The following SKIC3 variants were observed in gnomAD, a reference collection of about 807,000 sequenced individuals.
The protein encoded by SKIC3 is superkiller complex protein 3.
the SKIC3 span, chr5:95,540,861 G>A: frequency 1.9e-6 from 3 of 1,610,282 alleles, no homozygotes; most frequent in Admixed American, 5.0e-5. Flanking sequence ...AAATTATTTT[G>A]TCCAAAATGT....
the SKIC3 span, chr5:95,506,889 A>G: frequency 6.3e-7 from 1 of 1,596,246 alleles, no homozygotes; most frequent in South Asian, 1.1e-5. Flanking sequence ...TTCACCAGAA[A>G]AATACAATCA....
the SKIC3 span, among the ~76,000 whole-genome samples, chr5:95,465,359 T>C: frequency 0.24 from 36,659 of 152,180 alleles, 5,766 homozygotes; most frequent in African/African-American, 0.44. Context: ...AATGAAATTG[T>C]TCCTCTTTGA....
At chr5:95,543,467 C>G in the SKIC3 span, 1 of 960,462 alleles carries the variant, frequency 1.0e-6, no homozygotes, top group South Asian at 1.5e-5. Context: ...TTTAACCTAT[C>G]TGGTTTCAGT....
the SKIC3 span, among the ~76,000 whole-genome samples, chr5:95,475,620 T>C: frequency 6.6e-6 from 1 of 152,216 alleles, no homozygotes; most frequent in East Asian, 1.9e-4. Flanking sequence ...TATTTCTTTA[T>C]AGCAATGCAA....
the SKIC3 span, chr5:95,522,154 C>T: frequency 6.2e-7 from 1 of 1,613,866 alleles, no homozygotes; most frequent in Non-Finnish European, 8.5e-7. Flanking sequence ...TTGCTGCAAC[C>T]TTAAACACAC....
the SKIC3 span, among the ~76,000 whole-genome samples, chr5:95,485,643 G>A: frequency 6.6e-6 from 1 of 152,094 alleles, no homozygotes; most frequent in African/African-American, 2.4e-5. Context: ...TGTCAGAAGT[G>A]TTACTATCTT....
At chr5:95,529,001 CT>C in the SKIC3 span, 5 of 1,613,272 alleles carry the variant, frequency 3.1e-6, no homozygotes, top group Non-Finnish European at 4.2e-6. Context: ...TCAAAAATAC[CT>C]TGACTGCATG....
At chr5:95,546,361 A>C in the SKIC3 span, among the ~76,000 whole-genome samples, 1 of 151,846 alleles carries the variant, frequency 6.6e-6, no homozygotes, top group Non-Finnish European at 1.5e-5. Flanking sequence ...ACAAAAAAAA[A>C]AACAAAGAAA....
At chr5:95,551,187 T>C in the SKIC3 span, among the ~76,000 whole-genome samples, 3 of 152,182 alleles carry the variant, frequency 2.0e-5, no homozygotes, top group African/African-American at 7.2e-5. Flanking sequence ...ATTTAAATAG[T>C]CATTAAAAAT....
At chr5:95,472,888 T>C in the SKIC3 span, among the ~76,000 whole-genome samples, 1 of 152,254 alleles carries the variant, frequency 6.6e-6, no homozygotes, top group African/African-American at 2.4e-5. Flanking sequence ...TTAATTCACT[T>C]AGAATTATGG....
chr5:95,501,196 A>T, the SKIC3 span, among the ~76,000 whole-genome samples: 1 of 152,202 alleles, frequency 6.6e-6, no homozygotes, highest in Admixed American at 6.5e-5. Context: ...TCAAAGGAAA[A>T]AAAATCTACC....
At chr5:95,530,251 A>G in the SKIC3 span, 2 of 1,611,784 alleles carry the variant, frequency 1.2e-6, no homozygotes, top group Non-Finnish European at 1.7e-6. Context: ...AGGAAAGGTT[A>G]TTAGTATACA....
the SKIC3 span, among the ~76,000 whole-genome samples, chr5:95,527,164 T>C: frequency 6.6e-6 from 1 of 152,204 alleles, no homozygotes; most frequent in Non-Finnish European, 1.5e-5. Context: ...TTTTATAGTT[T>C]CTTGCTTTCT....
At chr5:95,541,947 C>T in the SKIC3 span, 1 of 1,320,426 alleles carries the variant, frequency 7.6e-7, no homozygotes, top group Non-Finnish European at 1.1e-6. Flanking sequence ...TTTCCTAAAA[C>T]ATTTGCTGTT....
the SKIC3 span, chr5:95,490,911 A>G: frequency 6.2e-7 from 1 of 1,614,130 alleles, no homozygotes; most frequent in Non-Finnish European, 8.5e-7. Context: ...AACTTACTTG[A>G]AGCAGAAACA....
At chr5:95,528,163 T>C in the SKIC3 span, 2 of 1,613,542 alleles carry the variant, frequency 1.2e-6, no homozygotes, top group Non-Finnish European at 1.7e-6. Context: ...CTGACAAAAT[T>C]AAGGGTATCC....
At chr5:95,514,796 A>G in the SKIC3 span, 1 of 1,549,706 alleles carries the variant, frequency 6.5e-7, no homozygotes, top group South Asian at 1.1e-5. Flanking sequence ...ACTGTTATGC[A>G]TATTAGTCAG....
the SKIC3 span, chr5:95,516,714 G>T: frequency 1.2e-6 from 2 of 1,613,206 alleles, no homozygotes; most frequent in African/African-American, 1.3e-5. Flanking sequence ...CAGTATAAGT[G>T]ATTATTACTG....
the SKIC3 span, chr5:95,514,840 T>A: frequency 6.8e-6 from 11 of 1,610,146 alleles, no homozygotes; most frequent in South Asian, 1.2e-4. Flanking sequence ...AGTAACTATA[T>A]GTTATATTTC....
Sources: gnomAD v4.1 joint callset for allele counts (sites outside exome capture counted in the v4.1 genomes callset) on GRCh38, gnomAD v4.1.1 for gene constraint, MANE v1.5 for transcripts, NCBI Gene and HGNC (gene_info 2026-07-23, HGNC 2026-07-21) for gene names.